The following LAMA1 variants were observed in gnomAD, a reference collection of about 807,000 sequenced individuals.
The protein encoded by LAMA1 is laminin subunit alpha-1.
In LAMA1, 219 loss-of-function variants were observed where a neutral mutation model predicts 348.7. The observed-to-expected ratio is 0.63, with a 90% confidence interval of 0.56 to 0.70. The LOEUF is 0.70. Among genes scored for constraint, LAMA1 ranks in the 30% least tolerant of loss-of-function variants. The pLI is 0.00. For missense variants in LAMA1, 3,744 were observed against 3,888.0 expected (o/e 0.96, Z 0.99); for synonymous variants, 1,487 against 1,491.0 (o/e 1.00, Z 0.06).
Position 7,037,648 on chromosome 18 carries a change from T to C in LAMA1, c.1667A>G (p.Asn556Ser), listed in dbSNP as rs769432829. 7 of 1,614,054 alleles carry C rather than the reference T, an allele frequency of 4.3e-6. No homozygotes were observed. The highest frequency in any genetic ancestry group is 3.3e-5 in the Admixed American group (2 of 60,014). Reference protein sequence around the residue: ...LGGRHQVSINNTAVMQRLAPK... With the variant: ...LGGRHQVSINSTAVMQRLAPK... ...AGCCAGTCTCTGCATGACCGCGGTGTTGTTGATGCTGACCTGATGGCGCCC... is the reference window on the plus strand; with the variant it reads ...AGCCAGTCTCTGCATGACCGCGGTGCTGTTGATGCTGACCTGATGGCGCCC... The change falls in exon 12 of 63, where the codon AAC becomes AGC. Residue 556 changes from asparagine to serine, a missense_variant. Around this residue, in one of 3 missense-constraint regions of LAMA1, gnomAD observed 1,529 missense variants for 1,689.4 expected, o/e 0.91. Transcript: ENST00000389658.
chr18:7,082,153 A>G (rs1033499324), intron 1 of LAMA1, among the ~76,000 whole-genome samples: 1 of 152,218 alleles, frequency 6.6e-6, no homozygotes, highest in Non-Finnish European at 1.5e-5. Context: ...ACTACCTATT[A>G]GTAATTCTGT....
At chr18:7,115,864 C>A (rs1265471118) in intron 1 of LAMA1, among the ~76,000 whole-genome samples, 3 of 150,888 alleles carry the variant, frequency 2.0e-5, no homozygotes, top group African/African-American at 7.3e-5. Context: ...CGCCTGTAGT[C>A]CCAGCTACTC....
intron 26 of LAMA1, 22 bp from the exon 27 acceptor site, chr18:7,009,388 C>G: frequency 6.2e-7 from 1 of 1,613,454 alleles, no homozygotes; most frequent in South Asian, 1.1e-5. Context: ...GAAACACATT[C>G]AATTAAGCTC....
rs757845611 is a variant in LAMA1 at position 7,000,000 on chromosome 18, GGA to G, written c.4383-5_4383-4del. 6.2e-6 allele frequency: 10 copies of G among 1,607,646 alleles called. No homozygotes were observed. The African/African-American group carries it at 1.2e-4, about 19-fold the overall frequency. On this transcript the variant is annotated splice_polypyrimidine_tract_variant and splice_region_variant and intron_variant, in intron 30 of 62. Coordinates refer to ENST00000389658, the MANE Select transcript of LAMA1 (RefSeq NM_005559.4). ...CCAAGACACAAGTGGGACTAAAACT[GGA>G]GGAAAAGAATTTCTTTTTGAATTTT...
intron 51 of LAMA1, among the ~76,000 whole-genome samples, chr18:6,962,816 A>G (rs2096556898): frequency 6.6e-6 from 1 of 152,216 alleles, no homozygotes. Flanking sequence ...ACTTTGTCCT[A>G]AAGGAAGTAA....
At chr18:7,000,097 A>T in intron 30 of LAMA1, 100 bp from the exon 31 acceptor site, 1 of 868,332 alleles carries the variant, frequency 1.2e-6, no homozygotes, top group Non-Finnish European at 1.9e-6. Context: ...TACTGGTCTC[A>T]AAGTTATGTG....
intron 1 of LAMA1, among the ~76,000 whole-genome samples, chr18:7,112,625 T>G (rs956664790): frequency 7.1e-6 from 1 of 140,858 alleles, no homozygotes; most frequent in African/African-American, 2.7e-5. Context: ...TATATGTATT[T>G]TATATATATA....
Position 6,941,769 on chromosome 18 carries a change from C to T in LAMA1, c.*310G>A, listed in dbSNP as rs1175867182. On this transcript the variant is annotated 3_prime_UTR_variant, in exon 63 of 63. Coordinates refer to ENST00000389658, the MANE Select transcript of LAMA1 (RefSeq NM_005559.4). ...TGATCTGTTATCATCTGTATTGATA[C>T]TTTTTTAAAAAGCTCAAAATGAAAA... 1.4e-5 allele frequency: 5 copies of T among 366,826 alleles called. No individual in the cohort carries two copies. Among genetic ancestry groups the T allele is most frequent in the South Asian group, 7.2e-5 (3 of 41,562 alleles). The allele number at this position is 366,826 out of a possible 1,614,324, so 22.7% of individuals were successfully genotyped here. A position where few individuals can be genotyped will look rare whatever the true frequency, so the allele number is the denominator to read the frequency against.
At chr18:6,974,400 T>C (rs2057671894) in intron 46 of LAMA1, among the ~76,000 whole-genome samples, 1 of 151,970 alleles carries the variant, frequency 6.6e-6, no homozygotes, top group Admixed American at 6.6e-5. Flanking sequence ...TGGAATACTA[T>C]TATTCAGCCT....
intron 29 of LAMA1, among the ~76,000 whole-genome samples, chr18:7,006,379 T>TA (rs984154157): frequency 3.1e-4 from 47 of 152,004 alleles, no homozygotes; most frequent in African/African-American, 8.4e-4. Flanking sequence ...TGCATTTTTT[T>TA]AAAAAATGCA....
Position 6,980,615 on chromosome 18 carries a change from T to G in LAMA1, c.5913A>C (p.Glu1971Asp), listed in dbSNP as rs1245930957. ...KLPGIALELS[E>D]LRNKTNRFQE... Reference sequence around the variant, plus strand: ...GAAATCTGTTTGTCTTATTTCTCAATTCACTCAGTTCCAATGCAATACCTA... The same window carrying G: ...GAAATCTGTTTGTCTTATTTCTCAAGTCACTCAGTTCCAATGCAATACCTA... Residue 1971 changes from glutamate (E) to aspartate (D), a missense_variant, in exon 42 of 63, where the codon GAA becomes GAC. Around this residue, in one of 3 missense-constraint regions of LAMA1, gnomAD observed 1,983 missense variants for 1,934.3 expected, o/e 1.03. Transcript: ENST00000389658. The G allele has an allele frequency of 6.2e-7, 1 of 1,611,530 alleles. No individual in the cohort carries two copies. Among genetic ancestry groups the G allele is most frequent in the African/African-American group, 1.3e-5 (1 of 74,878 alleles).
intron 19 of LAMA1, among the ~76,000 whole-genome samples, chr18:7,020,180 T>G: frequency 6.6e-6 from 1 of 152,122 alleles, no homozygotes; most frequent in East Asian, 1.9e-4. Flanking sequence ...TCTGTGAGGT[T>G]TCTCACCACC....
chr18:7,085,520 G>A (rs1280127479), intron 1 of LAMA1, among the ~76,000 whole-genome samples: 2 of 145,970 alleles, frequency 1.4e-5, no homozygotes, highest in African/African-American at 2.6e-5. Context: ...CCGGGTTCAT[G>A]CCATTCTCCT....
chr18:6,958,371 G>A (rs756360442), intron 55 of LAMA1, 106 bp downstream of exon 55: 14 of 1,260,804 alleles, frequency 1.1e-5, no homozygotes, highest in Non-Finnish European at 1.5e-5. Flanking sequence ...TTGGGAATTT[G>A]CAAAGTTTTC....
chr18:6,980,449 T>C, intron 42 of LAMA1, 72 bp downstream of exon 42: 1 of 1,057,540 alleles, frequency 9.5e-7, no homozygotes, highest in Non-Finnish European at 1.5e-6. Flanking sequence ...GAGGCAGGAC[T>C]TCCTTATGTT....
intron 5 of LAMA1, among the ~76,000 whole-genome samples, chr18:7,047,403 T>C (rs2058046331): frequency 1.3e-5 from 2 of 152,130 alleles, no homozygotes; most frequent in Admixed American, 1.3e-4. Flanking sequence ...AAATAAACAA[T>C]AAAACTCTGC....
rs2057734235 is a variant in LAMA1, at chr18:6,986,159, T to A, written c.5357A>T (p.Asn1786Ile). Reference protein sequence around the residue: ...QESNHLLLMVNANLREFSDKK... With the variant: ...QESNHLLLMVIANLREFSDKK... ...CACACTGAATTCTCTCAGATTAGCA[T>A]TGACCATGAGCAGCAGGTGGTTGCT... Residue 1786 changes from asparagine (N) to isoleucine (I), a missense_variant, in exon 37 of 63, where the codon AAT becomes ATT. Asn to Ile is a moderately radical substitution (Grantham distance 149). Transcript: ENST00000389658. The A allele has an allele frequency of 6.2e-7, 1 of 1,614,244 alleles. No homozygotes were observed. The highest frequency in any genetic ancestry group is 1.3e-5 in the African/African-American group (1 of 75,072).
chr18:6,993,781 T>C, intron 34 of LAMA1, 29 bp from the exon 35 acceptor site: 1 of 1,341,212 alleles, frequency 7.5e-7, no homozygotes, highest in South Asian at 1.2e-5. Flanking sequence ...CTCAGGTTAG[T>C]TTGACTTTAA....
chr18:7,000,139 AC>A, intron 30 of LAMA1, 142 bp from the exon 31 acceptor site: 1 of 660,140 alleles, frequency 1.5e-6, no homozygotes. Flanking sequence ...CTTACAATCT[AC>A]CTGGCAAAAA....
Sources: allele counts gnomAD v4.1 joint callset (sites outside exome capture counted in the v4.1 genomes callset), GRCh38; gene constraint gnomAD v4.1.1; regional missense constraint gnomAD v4.1.1; transcripts MANE v1.5; gene names NCBI Gene and HGNC (gene_info 2026-07-23, HGNC 2026-07-21).